Variants in CRTC1 observed in about 807,000 individuals in gnomAD.
CRTC1 encodes CREB-regulated transcription coactivator 1.
In CRTC1, 18 loss-of-function variants were observed where a neutral mutation model predicts 66.1. The ratio of observed to expected loss-of-function variants is 0.27; its 90% CI spans 0.19 to 0.40. CRTC1 has a LOEUF of 0.40. CRTC1 is among the 10% of genes least tolerant of loss of function. CRTC1 has a pLI of 1.00. For synonymous variants in CRTC1, 416 were observed against 398.8 expected (o/e 1.04, Z -0.51); for missense variants, 669 against 887.9 (o/e 0.75, Z 3.13).
At chr19:18,691,696 A>T (rs977231390) in intron 1 of CRTC1, among the ~76,000 whole-genome samples, 1 of 151,896 alleles carries the variant, frequency 6.6e-6, no homozygotes, top group African/African-American at 2.4e-5. Flanking sequence ...TGGAGGAAGC[A>T]TGGGCCTGCC....
intron 1 of CRTC1, among the ~76,000 whole-genome samples, chr19:18,730,153 G>C (rs1350857379): frequency 6.6e-6 from 1 of 152,108 alleles, no homozygotes; most frequent in Non-Finnish European, 1.5e-5. Flanking sequence ...TGCACCTTCA[G>C]CTGGCCCTGC....
In CRTC1 at chr19:18,734,102, CAAAAA is replaced by C. The variant is rs113090036; in HGVS notation, c.127-8801_127-8797del. ...GGGTGACAAGAGTGAGACTCCGTCT[CAAAAA>C]AAAAAAGTCCAGAACAGATAAATCC... On this transcript the variant is annotated intron_variant, in intron 1 of 13. Coordinates refer to ENST00000321949, the MANE Select transcript of CRTC1 (RefSeq NM_015321.3). Among the ~76,000 whole-genome samples, 8 of 130,856 alleles carry C rather than the reference CAAAAA, an allele frequency of 6.1e-5. No homozygotes were observed. In the South Asian group the frequency reaches 2.0e-3, roughly 33 times the overall value. 85.8% of individuals were successfully genotyped at this position (130,856 alleles called of 152,430 possible).
At chr19:18,744,995 T>TG (rs1411387150) in intron 2 of CRTC1, among the ~76,000 whole-genome samples, 11 of 152,162 alleles carry the variant, frequency 7.2e-5, no homozygotes, top group African/African-American at 2.7e-4. Context: ...ATGGCCGGAC[T>TG]GGGGGATTGG....
chr19:18,768,410 C>A lies in CRTC1; in HGVS notation c.1012-75C>A. On this transcript the variant is annotated intron_variant, in intron 9 of 13. Transcript: ENST00000321949. This position sits in a 1 kb window ranked among gnomAD's most constrained non-coding sequence, Gnocchi z 5.6. ...CTTCCACCTCGCCTGCTGAGCATGC[C>A]AGGCTATGGGGGCCCGAGGGGGCCA... The A allele has an allele frequency of 1.5e-6, 2 of 1,310,592 alleles. No homozygotes were observed. The highest frequency in any genetic ancestry group is 2.1e-6 in the Non-Finnish European group (2 of 940,932). The allele number at this position is 1,310,592 out of a possible 1,614,324, so 81.2% of individuals were successfully genotyped here. A position where few individuals can be genotyped will look rare whatever the true frequency, so the allele number is the denominator to read the frequency against.
chr19:18,686,227 C>T (rs1446209983), intron 1 of CRTC1, among the ~76,000 whole-genome samples: 1 of 152,124 alleles, frequency 6.6e-6, no homozygotes, highest in African/African-American at 2.4e-5. Flanking sequence ...TTTCACTCAG[C>T]GTCATGTTTT....
At chr19:18,754,267 C>G (rs963921982) in intron 6 of CRTC1, among the ~76,000 whole-genome samples, 1 of 152,164 alleles carries the variant, frequency 6.6e-6, no homozygotes, top group African/African-American at 2.4e-5. Context: ...CCTGTCATCC[C>G]AGCACTTTCG....
In CRTC1 at chr19:18,765,482, G is replaced by C. The variant is rs3746267; in HGVS notation, c.965G>C (p.Arg322Pro). The change falls in exon 9 of 14, where the codon CGT (arginine) becomes CCT (proline). Residue 322 changes from arginine to proline, a missense_variant. By Grantham distance (103) the Arg-to-Pro change is moderately radical. This residue lies in a region of CRTC1 where 241 missense variants were observed against 242.2 expected (regional missense o/e 0.99). Transcript: ENST00000321949. ...CTGTCCCTGAGCACAGAGGCAAGGC[G>C]TCAGCAGGCATCGCCCACCCTGTCC... is the stretch of plus-strand genomic sequence containing the variant. ...SPLSLSTEAR[R>P]QQASPTLSPL... is the part of the protein sequence containing the mutation. 1.2e-6 allele frequency: 2 copies of C among 1,610,946 alleles called. No homozygotes were observed. Among genetic ancestry groups the C allele is most frequent in the Non-Finnish European group, 1.7e-6 (2 of 1,179,766 alleles).
chr19:18,741,017 AAACAAC>A lies in CRTC1; in HGVS notation c.127-1881_127-1876del, dbSNP rs561422693. Reference sequence around the variant, plus strand: ...GAGACTCCATCTCAAAAAAACAAACAAACAACAACAACAACAAAAAAGAAAAGCAGA... The same window carrying A: ...GAGACTCCATCTCAAAAAAACAAACAAACAACAACAAAAAAGAAAAGCAGA... On this transcript the variant is annotated intron_variant, in intron 1 of 13. Transcript: ENST00000321949. The surrounding 1 kb of genome is among the most constrained non-coding windows in gnomAD (Gnocchi z 4.2). 6.6e-6 allele frequency among the ~76,000 whole-genome samples: 1 copy of A among 152,144 alleles called. No homozygotes were observed. Among genetic ancestry groups the A allele is most frequent in the Admixed American group, 6.5e-5 (1 of 15,270 alleles).
intron 7 of CRTC1, 46 bp from the exon 8 acceptor site, chr19:18,759,962 C>T (rs775125073): frequency 6.8e-7 from 1 of 1,474,662 alleles, no homozygotes; most frequent in Non-Finnish European, 9.2e-7. Flanking sequence ...CGCCGCCAGC[C>T]CCGCCCCATG....
intron 2 of CRTC1, among the ~76,000 whole-genome samples, chr19:18,743,674 A>T (rs2054163939): frequency 6.6e-6 from 1 of 152,092 alleles, no homozygotes; most frequent in Admixed American, 6.5e-5. Flanking sequence ...ACCACCTCGG[A>T]CACAGCCATG....
chr19:18,709,881 C>T (rs1044165838), intron 1 of CRTC1, among the ~76,000 whole-genome samples: 6 of 152,210 alleles, frequency 3.9e-5, no homozygotes, highest in Admixed American at 6.5e-5. Context: ...AGTCCTGCCT[C>T]CTCCAGCAGC....
intron 1 of CRTC1, among the ~76,000 whole-genome samples, chr19:18,696,718 G>T (rs969222831): frequency 2.6e-5 from 4 of 152,234 alleles, no homozygotes; most frequent in African/African-American, 9.6e-5. Context: ...TGTACTGGGG[G>T]AGTGGGGACC....
At position 18,768,463 on chromosome 19, in the gene CRTC1, C is replaced by G. The variant is rs769664955; in HGVS notation, c.1012-22C>G. The G allele has an allele frequency of 1.6e-5, 25 of 1,603,758 alleles. No individual in the cohort carries two copies. The Admixed American group carries it at 4.2e-4, about 27-fold the overall frequency. On this transcript the variant is annotated intron_variant, in intron 9 of 13. Transcript: ENST00000321949. This position sits in a 1 kb window ranked among gnomAD's most constrained non-coding sequence, Gnocchi z 5.6. ...CGCTGACAACCAGGGCCCGCCCTGC[C>G]TGACGCTCTCCTCTCCTGCAGGCTG...
intron 1 of CRTC1, among the ~76,000 whole-genome samples, chr19:18,704,107 C>T (rs1038997800): frequency 1.3e-5 from 2 of 152,166 alleles, no homozygotes; most frequent in Admixed American, 6.5e-5. Context: ...GTGAAGTGCT[C>T]GTTTTCTTTT....
At position 18,771,240 on chromosome 19, in the gene CRTC1, G is replaced by A. The variant is rs1250558081; in HGVS notation, c.1321-202G>A. Among the ~76,000 whole-genome samples the A allele has an allele frequency of 1.9e-3, 2 of 1,050 alleles. No individual in the cohort carries two copies. The highest frequency in any genetic ancestry group is 9.1e-3 in the African/African-American group (2 of 220). 0.7% of individuals were successfully genotyped at this position (1,050 alleles called of 152,430 possible). A position where few individuals can be genotyped will look rare whatever the true frequency, so the allele number is the denominator to read the frequency against. On this transcript the variant is annotated intron_variant, in intron 10 of 13. Coordinates refer to ENST00000321949, the MANE Select transcript of CRTC1 (RefSeq NM_015321.3). This position sits in a 1 kb window ranked among gnomAD's most constrained non-coding sequence, Gnocchi z 4.6. ...ACGCCGTTCCTTCCTGGGTTCGGGG[G>A]CAGCTCCCCGGAGGCTCAGGTACCC...
chr19:18,771,209 C>T lies in CRTC1; in HGVS notation c.1321-233C>T, dbSNP rs896419399. ...CTCCAAGAAGGAGGGCAGTTATTCA[C>T]CCTCCACGCCGTTCCTTCCTGGGTT... On this transcript the variant is annotated intron_variant, in intron 10 of 13. Coordinates refer to ENST00000321949, the MANE Select transcript of CRTC1 (RefSeq NM_015321.3). This position sits in a 1 kb window ranked among gnomAD's most constrained non-coding sequence, Gnocchi z 4.6. 1.3e-5 allele frequency among the ~76,000 whole-genome samples: 2 copies of T among 150,058 alleles called. No homozygotes were observed. The highest frequency in any genetic ancestry group is 4.9e-5 in the African/African-American group (2 of 40,496).
In CRTC1 at chr19:18,760,861, C is replaced by T. The variant is rs1009306707; in HGVS notation, c.886+633C>T. Among the ~76,000 whole-genome samples, 1 of 152,010 alleles carries T rather than the reference C, an allele frequency of 6.6e-6. No homozygotes were observed. The highest frequency in any genetic ancestry group is 2.4e-5 in the African/African-American group (1 of 41,358). ...AGACATGGACCTGACCCATTGTCAG[C>T]GTGTCCTGTCGGTTCCGCCCTCAGG... On this transcript the variant is annotated intron_variant, in intron 8 of 13. Transcript: ENST00000321949. The surrounding 1 kb of genome is among the most constrained non-coding windows in gnomAD (Gnocchi z 6.2).
intron 1 of CRTC1, among the ~76,000 whole-genome samples, chr19:18,736,637 C>T (rs926713547): frequency 5.3e-5 from 8 of 152,018 alleles, no homozygotes; most frequent in South Asian, 4.1e-4. Context: ...CTGGTGGCTC[C>T]GGGAGGAAGC....
chr19:18,759,952 C>A (rs551851277), intron 7 of CRTC1, 56 bp from the exon 8 acceptor site: 2 of 1,391,402 alleles, frequency 1.4e-6, no homozygotes, highest in Non-Finnish European at 2.0e-6. Context: ...CCCCTGTCCC[C>A]GCCGCCAGCC....
Sources: gnomAD v4.1 joint callset for allele counts (sites outside exome capture counted in the v4.1 genomes callset) on GRCh38, gnomAD v4.1.1 for gene constraint, gnomAD v4.1.1 regional missense constraint, Gnocchi (gnomAD v3.1) non-coding constraint, MANE v1.5 for transcripts, NCBI Gene and HGNC (gene_info 2026-07-23, HGNC 2026-07-21) for gene names.